Variants in DYM observed in about 807,000 individuals in gnomAD.
The protein encoded by DYM is dymeclin.
DYM carries 78 observed loss-of-function variants against 93.1 expected under a neutral mutation model. The ratio of observed to expected loss-of-function variants is 0.84; its 90% CI spans 0.70 to 1.01. The LOEUF (loss-of-function observed/expected upper bound fraction) is 1.01. DYM is among the 50% of genes least tolerant of loss of function. The pLI, the probability that DYM is intolerant of heterozygous loss-of-function variation, is 0.00. For missense variants in DYM, 789 were observed against 845.0 expected (o/e 0.93, Z 0.82); for synonymous variants, 321 against 319.7 (o/e 1.00, Z -0.04).
chr18:49,441,301 A>AT (rs2081571900), intron 1 of DYM, among the ~76,000 whole-genome samples: 2 of 42,190 alleles, frequency 4.7e-5, no homozygotes, highest in Non-Finnish European at 7.5e-5. Flanking sequence ...TAATATAATT[A>AT]TATATAATTA....
intron 17 of DYM, among the ~76,000 whole-genome samples, chr18:49,091,644 G>T: frequency 6.6e-6 from 1 of 152,176 alleles, no homozygotes; most frequent in Non-Finnish European, 1.5e-5. Context: ...GTCTGGGGTA[G>T]GGCCTGAGAA....
intron 17 of DYM, among the ~76,000 whole-genome samples, chr18:49,064,031 A>T (rs2076202895): frequency 6.6e-6 from 1 of 152,174 alleles, no homozygotes; most frequent in African/African-American, 2.4e-5. Context: ...TGTATGCAAA[A>T]ACAATGAAAA....
chr18:49,313,439 G>A (rs548914222), intron 8 of DYM, among the ~76,000 whole-genome samples: 79 of 107,316 alleles, frequency 7.4e-4, no homozygotes, highest in African/African-American at 2.3e-3. Flanking sequence ...CTCCAGTCTC[G>A]GCAACAGAGC....
chr18:49,347,472 C>T (rs1008749449), intron 6 of DYM, among the ~76,000 whole-genome samples: 1 of 152,114 alleles, frequency 6.6e-6, no homozygotes, highest in Non-Finnish European at 1.5e-5. Flanking sequence ...TTACCCTAAT[C>T]ACAAGCAGTA....
intron 13 of DYM, among the ~76,000 whole-genome samples, chr18:49,250,006 G>A (rs1056011487): frequency 1.3e-5 from 2 of 152,144 alleles, no homozygotes; most frequent in Non-Finnish European, 2.9e-5. Context: ...ATAGAGTCTG[G>A]CACTGTCTAA....
At chr18:49,276,626 TTAAA>T (rs1362122062) in intron 10 of DYM, among the ~76,000 whole-genome samples, 1 of 152,028 alleles carries the variant, frequency 6.6e-6, no homozygotes, top group Non-Finnish European at 1.5e-5. Context: ...TTCATTATGA[TTAAA>T]TAAAGAATAA....
At chr18:49,230,591 C>G (rs938998895) in intron 13 of DYM, among the ~76,000 whole-genome samples, 1 of 152,188 alleles carries the variant, frequency 6.6e-6, no homozygotes, top group Non-Finnish European at 1.5e-5. Flanking sequence ...CTAAATACTA[C>G]AGCAATGGTT....
chr18:49,206,796 TG>T (rs1406765957), intron 14 of DYM, among the ~76,000 whole-genome samples: 1 of 152,152 alleles, frequency 6.6e-6, no homozygotes, highest in Non-Finnish European at 1.5e-5. Context: ...GGCTTGATAT[TG>T]AAAAAATACC....
At chr18:49,385,598 G>A (rs1170220828) in intron 3 of DYM, among the ~76,000 whole-genome samples, 1 of 152,044 alleles carries the variant, frequency 6.6e-6, no homozygotes, top group Admixed American at 6.6e-5. Flanking sequence ...GGGAGGCTGA[G>A]ACAGGAGAAT....
chr18:49,328,736 C>T lies in DYM; in HGVS notation c.763+3128G>A, dbSNP rs1168479013. Among the ~76,000 whole-genome samples the T allele has an allele frequency of 2.0e-5, 3 of 152,126 alleles. No homozygotes were observed. In the East Asian group the frequency reaches 5.8e-4, roughly 29 times the overall value. On this transcript the variant is annotated intron_variant, in intron 8 of 17. Transcript: ENST00000675505. ...TGCAAATCAAAACCACAATGAGATACCATCTCATACCAGTTAGAATGGCAA... is the reference window on the plus strand; with the variant it reads ...TGCAAATCAAAACCACAATGAGATATCATCTCATACCAGTTAGAATGGCAA...
At chr18:49,154,791 C>T (rs908476640) in intron 15 of DYM, among the ~76,000 whole-genome samples, 1 of 152,144 alleles carries the variant, frequency 6.6e-6, no homozygotes, top group Non-Finnish European at 1.5e-5. Context: ...AATTCAAGAT[C>T]TACACCTACA....
intron 8 of DYM, among the ~76,000 whole-genome samples, chr18:49,317,681 C>G (rs2062111388): frequency 7.7e-6 from 1 of 130,630 alleles, no homozygotes; most frequent in Non-Finnish European, 1.6e-5. Flanking sequence ...TCCTTCCTTC[C>G]TTCCTTCCTT....
At chr18:49,254,851 ATTAACTCTGT>A (rs1435598041) in intron 13 of DYM, among the ~76,000 whole-genome samples, 1 of 152,212 alleles carries the variant, frequency 6.6e-6, no homozygotes, top group Non-Finnish European at 1.5e-5. Flanking sequence ...CACAGAAATC[ATTAACTCTGT>A]TATGGTGAAA....
intron 1 of DYM, among the ~76,000 whole-genome samples, chr18:49,457,356 A>G (rs1321593496): frequency 6.6e-6 from 1 of 152,180 alleles, no homozygotes; most frequent in Non-Finnish European, 1.5e-5. Flanking sequence ...CATATATACT[A>G]TGTTTTAAGA....
intron 16 of DYM, chr18:49,114,484 T>C (rs1047661498): frequency 3.4e-6 from 3 of 889,396 alleles, no homozygotes; most frequent in Non-Finnish European, 2.7e-6. Flanking sequence ...TTTACTTCTA[T>C]ATGGTTCTAT....
At chr18:49,053,168 G>A (rs117032780) in intron 17 of DYM, among the ~76,000 whole-genome samples, 87 of 152,266 alleles carry the variant, frequency 5.7e-4, no homozygotes, top group Admixed American at 2.0e-3. Context: ...ACATCCGGAC[G>A]CCCAGCTCAG....
chr18:49,088,728 T>C (rs1300123186), intron 17 of DYM, among the ~76,000 whole-genome samples: 2 of 152,144 alleles, frequency 1.3e-5, no homozygotes, highest in African/African-American at 4.8e-5. Flanking sequence ...ATTGGTCTAA[T>C]AAGCAAATGG....
chr18:49,083,016 G>C (rs1337151462), intron 17 of DYM, among the ~76,000 whole-genome samples: 3 of 152,212 alleles, frequency 2.0e-5, no homozygotes, highest in African/African-American at 7.2e-5. Flanking sequence ...GGTTTTGTCT[G>C]TGTGTATTGT....
At chr18:49,184,166 A>T (rs1290257117) in intron 14 of DYM, among the ~76,000 whole-genome samples, 1 of 152,202 alleles carries the variant, frequency 6.6e-6, no homozygotes, top group East Asian at 1.9e-4. Flanking sequence ...CCCACTAAAA[A>T]GCAAGTTAGG....
Sources: allele counts gnomAD v4.1 joint callset (sites outside exome capture counted in the v4.1 genomes callset), GRCh38; gene constraint gnomAD v4.1.1; transcripts MANE v1.5; gene names NCBI Gene and HGNC (gene_info 2026-07-23, HGNC 2026-07-21).